Variants in PKM observed in about 807,000 individuals in gnomAD.
PKM encodes pyruvate kinase M1/2.
In PKM, 18 loss-of-function variants were observed where a neutral mutation model predicts 49.8. The ratio of observed to expected loss-of-function variants is 0.36; its 90% CI spans 0.25 to 0.54. PKM has a LOEUF of 0.54. Among genes scored for constraint, PKM ranks in the 20% least tolerant of loss-of-function variants. PKM has a pLI of 0.89. For missense variants in PKM, 508 were observed against 713.8 expected, an observed-to-expected ratio of 0.71 and a Z score of 3.28; for synonymous variants, 239 against 261.8, an observed-to-expected ratio of 0.91 and a Z score of 0.84.
intron 1 of PKM, among the ~76,000 whole-genome samples, chr15:72,223,602 T>C (rs1194411608): frequency 6.6e-6 from 1 of 152,108 alleles, no homozygotes; most frequent in African/African-American, 2.4e-5. Flanking sequence ...TCCTCAACAA[T>C]GGAAATGGAG....
intron 6 of PKM, 112 bp downstream of exon 6, chr15:72,208,509 C>CT (rs1363371055): frequency 9.1e-7 from 1 of 1,102,030 alleles, no homozygotes; most frequent in African/African-American, 1.5e-5. Flanking sequence ...TTGGAACTGG[C>CT]TTGGGAGTCT....
chr15:72,227,019 C>T (rs2082690000), intron 1 of PKM, among the ~76,000 whole-genome samples: 2 of 152,238 alleles, frequency 1.3e-5, no homozygotes, highest in Admixed American at 1.3e-4. Context: ...CCCTCCACCA[C>T]TCACCCAGGC....
intron 8 of PKM, 77 bp downstream of exon 8, chr15:72,206,651 A>C: frequency 7.0e-7 from 1 of 1,426,600 alleles, no homozygotes; most frequent in Non-Finnish European, 9.9e-7. Context: ...GAAACCTAAA[A>C]AGCTCTGCAC....
Position 72,200,823 on chromosome 15 carries a change from A to G in PKM, c.1308-168T>C. ...CGAGGCTCGGGCAGCCCCTCATCCT[A>G]TATCCCCCACAGCATGCTAGGTTAC... On this transcript the variant is annotated intron_variant, in intron 9 of 10. Transcript: ENST00000335181. This position sits in a 1 kb window ranked among gnomAD's most constrained non-coding sequence, Gnocchi z 4.6. 1 of 601,908 alleles carries G rather than the reference A, an allele frequency of 1.7e-6. No individual in the cohort carries two copies. Among genetic ancestry groups the G allele is most frequent in the Non-Finnish European group, 2.9e-6 (1 of 341,024 alleles). The allele number at this position is 601,908 out of a possible 1,614,324, so 37.3% of individuals were successfully genotyped here. A position where few individuals can be genotyped will look rare whatever the true frequency, so the allele number is the denominator to read the frequency against.
At position 72,200,576 on chromosome 15, in the gene PKM, C is replaced by G; in HGVS notation, c.1387G>C (p.Ala463Pro). ...GGGAAGATGCCACGGTACAGGTGGG[C>G]CTGACGAGCTGTCTGGGGATTCCGG... is the stretch of plus-strand genomic sequence containing the variant. ...VTRNPQTARQAHLYRGIFPVL... is the reference protein window; with the variant it reads ...VTRNPQTARQPHLYRGIFPVL... Residue 463 changes from alanine to proline, a missense_variant, in exon 10 of 11, where the codon GCC (alanine) becomes CCC (proline). Physicochemically the swap from Ala to Pro is conservative, Grantham distance 27. Coordinates refer to ENST00000335181, the MANE Select transcript of PKM (RefSeq NM_002654.6). The surrounding 1 kb of genome is among the most constrained non-coding windows in gnomAD (Gnocchi z 4.6). 6.2e-7 allele frequency: 1 copy of G among 1,614,026 alleles called. No homozygotes were observed. Among genetic ancestry groups the G allele is most frequent in the Non-Finnish European group, 8.5e-7 (1 of 1,179,960 alleles).
chr15:72,199,868 T>C, intron 10 of PKM, 112 bp from the exon 11 acceptor site: 1 of 735,450 alleles, frequency 1.4e-6, no homozygotes. Context: ...CACTACTTCC[T>C]CACACCACAA....
intron 1 of PKM, chr15:72,221,398 A>G: frequency 1.6e-6 from 1 of 606,344 alleles, no homozygotes; most frequent in Non-Finnish European, 2.9e-6. Flanking sequence ...TTCCACTGTT[A>G]TGTCTCTTTA....
intron 1 of PKM, among the ~76,000 whole-genome samples, chr15:72,225,650 C>A (rs79702805): frequency 6.6e-6 from 1 of 152,192 alleles, no homozygotes; most frequent in Admixed American, 6.5e-5. Context: ...GTTTTTCACT[C>A]AGCAGCACAT....
chr15:72,228,951 C>T (rs1596815287), intron 1 of PKM, among the ~76,000 whole-genome samples: 1 of 152,346 alleles, frequency 6.6e-6, no homozygotes, highest in East Asian at 1.9e-4. Context: ...AACTCAGCCC[C>T]TCCTTGCCTG....
intron 3 of PKM, among the ~76,000 whole-genome samples, chr15:72,216,458 C>A (rs8031386): frequency 0.3 from 45,172 of 151,660 alleles, 7,246 homozygotes; most frequent in East Asian, 0.55. Flanking sequence ...TCATTTCCCC[C>A]AAAAAAATTT....
At chr15:72,203,507 C>T (rs2081997963) in intron 8 of PKM, 3 of 403,138 alleles carry the variant, frequency 7.4e-6, no homozygotes, top group South Asian at 4.4e-5. Context: ...AGGCTGGGCC[C>T]AGGCCACTCC....
At chr15:72,207,599 G>A (rs1390713355) in intron 6 of PKM, among the ~76,000 whole-genome samples, 1 of 152,172 alleles carries the variant, frequency 6.6e-6, no homozygotes, top group Non-Finnish European at 1.5e-5. Context: ...GTCTCTCTAG[G>A]GCCTCCATTT....
At chr15:72,209,074 A>G in intron 5 of PKM, 183 bp from the exon 6 acceptor site, 1 of 665,938 alleles carries the variant, frequency 1.5e-6, no homozygotes, top group Non-Finnish European at 2.6e-6. Flanking sequence ...ACCTCTCTGT[A>G]CCTCACTTTC....
Position 72,208,899 on chromosome 15 carries a change from A to G in PKM, c.566-8T>C. 6.2e-7 allele frequency: 1 copy of G among 1,612,752 alleles called. No individual in the cohort carries two copies. Among genetic ancestry groups the G allele is most frequent in the Non-Finnish European group, 8.5e-7 (1 of 1,179,308 alleles). ...TCACCAGGAAGTCGGCACCTGTATG[A>G]AAAAGGGTAAGTAGGGGAGGCAGAG... On this transcript the variant is annotated splice_region_variant and splice_polypyrimidine_tract_variant and intron_variant, in intron 5 of 10. Transcript: ENST00000335181.
At chr15:72,203,117 G>A (rs1299026367) in intron 8 of PKM, 1 of 1,614,104 alleles carries the variant, frequency 6.2e-7, no homozygotes, top group East Asian at 2.2e-5. Flanking sequence ...GGTCTGTGGA[G>A]TGACTTGAGG....
chr15:72,208,801 G>C lies in PKM; in HGVS notation c.656C>G (p.Pro219Arg). Residue 219 changes from proline to arginine, a missense_variant, in exon 6 of 11, where the codon CCT (proline) becomes CGT (arginine). By Grantham distance (103) the Pro-to-Arg change is moderately radical (BLOSUM62 -2). Coordinates refer to ENST00000335181, the MANE Select transcript of PKM (RefSeq NM_002654.6). Reference sequence around the variant, plus strand: ...CTGGATGTCCTTCTCCGACACAGCAGGCAAGTCCACAGCAGCCCCAGGAAG... The same window carrying C: ...CTGGATGTCCTTCTCCGACACAGCACGCAAGTCCACAGCAGCCCCAGGAAG... ...VNLPGAAVDL[P>R]AVSEKDIQDL... The C allele has an allele frequency of 6.2e-7, 1 of 1,614,124 alleles. No homozygotes were observed. Among genetic ancestry groups the C allele is most frequent in the Non-Finnish European group, 8.5e-7 (1 of 1,180,034 alleles).
intron 1 of PKM, among the ~76,000 whole-genome samples, chr15:72,227,364 A>G (rs1056221369): frequency 6.6e-6 from 1 of 152,230 alleles, no homozygotes; most frequent in South Asian, 2.1e-4. Context: ...TTCAGAAAGA[A>G]GGGTAATGTC....
intron 6 of PKM, among the ~76,000 whole-genome samples, chr15:72,207,538 C>T (rs1311397022): frequency 1.3e-5 from 2 of 152,192 alleles, no homozygotes; most frequent in Non-Finnish European, 2.9e-5. Flanking sequence ...AGGGCAAATC[C>T]AAATGGGCTC....
intron 3 of PKM, among the ~76,000 whole-genome samples, chr15:72,215,058 G>A (rs995822434): frequency 1.3e-5 from 2 of 152,128 alleles, no homozygotes; most frequent in African/African-American, 4.8e-5. Context: ...AAAATTAGCT[G>A]GGCGTGGTGG....
Sources: gnomAD v4.1 joint callset for allele counts (sites outside exome capture counted in the v4.1 genomes callset) on GRCh38, gnomAD v4.1.1 for gene constraint, Gnocchi (gnomAD v3.1) non-coding constraint, MANE v1.5 for transcripts, NCBI Gene and HGNC (gene_info 2026-07-23, HGNC 2026-07-21) for gene names.